PAK5: variants seen among roughly 807,000 people sequenced by gnomAD.
PAK5 encodes p21 (RAC1) activated kinase 5, also known as serine/threonine-protein kinase PAK 5.
Under a neutral mutation model 65.9 loss-of-function variants are expected in PAK5, and 16 were observed. The observed-to-expected ratio is 0.24, with a 90% CI of 0.16 to 0.37. The LOEUF is 0.37. Ranked by LOEUF, PAK5 falls within the 10% of genes least tolerant of loss-of-function variation. The pLI, the probability that PAK5 is intolerant of heterozygous loss-of-function variation, is 1.00. For missense variants in PAK5, 785 were observed against 903.9 expected (o/e 0.87, Z 1.69); for synonymous variants, 371 against 354.9 (o/e 1.05, Z -0.51).
At chr20:9,813,637 G>A (rs574995291) in intron 1 of PAK5, among the ~76,000 whole-genome samples, 1 of 151,978 alleles carries the variant, frequency 6.6e-6, no homozygotes, top group African/African-American at 2.4e-5. Flanking sequence ...TTCATACAGT[G>A]GAATGCTATA....
chr20:9,682,680 T>C (rs1042114993), intron 2 of PAK5, among the ~76,000 whole-genome samples: 1 of 152,236 alleles, frequency 6.6e-6, no homozygotes, highest in African/African-American at 2.4e-5. Context: ...CCCCACAATC[T>C]GTGCCACTTT....
At chr20:9,792,107 C>G (rs6056879) in intron 1 of PAK5, among the ~76,000 whole-genome samples, 21,342 of 152,172 alleles carry the variant, frequency 0.14, 1,816 homozygotes, top group South Asian at 0.25. Context: ...TTTGATCCCC[C>G]CTGCATGCAG....
At chr20:9,701,142 C>T (rs138704524) in intron 2 of PAK5, among the ~76,000 whole-genome samples, 33 of 152,208 alleles carry the variant, frequency 2.2e-4, no homozygotes, top group Admixed American at 1.6e-3. Flanking sequence ...CGCCCTTTGA[C>T]GAGTCAAGCA....
intron 6 of PAK5, among the ~76,000 whole-genome samples, chr20:9,560,558 C>T (rs1443288537): frequency 1.3e-5 from 2 of 152,078 alleles, no homozygotes; most frequent in Non-Finnish European, 2.9e-5. Flanking sequence ...GACAGGGTCT[C>T]GCTAAGTTGC....
intron 3 of PAK5, among the ~76,000 whole-genome samples, chr20:9,630,216 C>T (rs557834071): frequency 6.6e-6 from 1 of 152,222 alleles, no homozygotes; most frequent in Non-Finnish European, 1.5e-5. Context: ...GGCACAGATG[C>T]TAAAATGAAG....
At chr20:9,676,358 A>C (rs1198553988) in intron 2 of PAK5, among the ~76,000 whole-genome samples, 6 of 152,202 alleles carry the variant, frequency 3.9e-5, no homozygotes, top group Admixed American at 2.0e-4. Context: ...CTATATATTT[A>C]ATGTGAATAC....
chr20:9,741,116 T>C (rs1254623391), intron 1 of PAK5, among the ~76,000 whole-genome samples: 2 of 152,218 alleles, frequency 1.3e-5, no homozygotes, highest in Non-Finnish European at 2.9e-5. Flanking sequence ...ACAATTATAA[T>C]TTACAAGATT....
At chr20:9,690,807 T>G (rs1481570594) in intron 2 of PAK5, among the ~76,000 whole-genome samples, 2 of 143,078 alleles carry the variant, frequency 1.4e-5, no homozygotes, top group Non-Finnish European at 3.0e-5. Context: ...AAGGCTGGAG[T>G]GCAATGGCGC....
chr20:9,597,329 A>T (rs890152898), intron 3 of PAK5, among the ~76,000 whole-genome samples: 1 of 152,242 alleles, frequency 6.6e-6, no homozygotes, highest in Non-Finnish European at 1.5e-5. Flanking sequence ...ATTGAAAAAC[A>T]ATCTGATAGG....
At chr20:9,563,396 A>G (rs1304086461) in intron 5 of PAK5, among the ~76,000 whole-genome samples, 1 of 152,208 alleles carries the variant, frequency 6.6e-6, no homozygotes, top group Non-Finnish European at 1.5e-5. Flanking sequence ...TCTGCTGGTT[A>G]TCCTAGCAAA....
At chr20:9,825,728 A>G (rs912533095) in intron 1 of PAK5, among the ~76,000 whole-genome samples, 1 of 152,234 alleles carries the variant, frequency 6.6e-6, no homozygotes, top group Admixed American at 6.5e-5. Flanking sequence ...TCATACCAGC[A>G]TAAAGTCTTA....
At chr20:9,689,137 T>C (rs903422468) in intron 2 of PAK5, among the ~76,000 whole-genome samples, 1 of 152,188 alleles carries the variant, frequency 6.6e-6, no homozygotes, top group Non-Finnish European at 1.5e-5. Context: ...TAGTTGAACA[T>C]TTCTCTCCTC....
At chr20:9,556,945 A>C (rs1339424826) in intron 7 of PAK5, among the ~76,000 whole-genome samples, 1 of 152,154 alleles carries the variant, frequency 6.6e-6, no homozygotes, top group Non-Finnish European at 1.5e-5. Flanking sequence ...TTATTCTCTC[A>C]GCTCTCATCC....
At chr20:9,688,396 C>A (rs1052197379) in intron 2 of PAK5, among the ~76,000 whole-genome samples, 30 of 151,914 alleles carry the variant, frequency 2.0e-4, no homozygotes, top group African/African-American at 6.8e-4. Context: ...ACCTGAAATA[C>A]CCCAAGGCCT....
Position 9,796,559 on chromosome 20 carries a change from T to C in PAK5, c.-162+42203A>G, listed in dbSNP as rs942773834. On this transcript the variant is annotated intron_variant, in intron 1 of 9. Coordinates refer to ENST00000353224, the MANE Select transcript of PAK5 (RefSeq NM_177990.4). Reference sequence around the variant, plus strand: ...AAAAGTTTAAATTTTATTCCAAATGTAGTAGGAAATTACTAAGTGAAGGTG... The same window carrying C: ...AAAAGTTTAAATTTTATTCCAAATGCAGTAGGAAATTACTAAGTGAAGGTG... Among the ~76,000 whole-genome samples the C allele has an allele frequency of 2.0e-5, 3 of 152,104 alleles. No homozygotes were observed. In the South Asian group the frequency reaches 6.2e-4, roughly 31 times the overall value.
intron 3 of PAK5, among the ~76,000 whole-genome samples, chr20:9,607,103 A>C (rs1363276041): frequency 6.6e-6 from 1 of 152,232 alleles, no homozygotes; most frequent in Non-Finnish European, 1.5e-5. Context: ...ACAGAGGGGA[A>C]AAGAGTAACG....
intron 2 of PAK5, among the ~76,000 whole-genome samples, chr20:9,709,650 A>G (rs1164125368): frequency 6.6e-6 from 1 of 152,162 alleles, no homozygotes; most frequent in Non-Finnish European, 1.5e-5. Flanking sequence ...GCTTTACAGA[A>G]GGATCTGGGG....
At chr20:9,798,438 A>G (rs2049130942) in intron 1 of PAK5, among the ~76,000 whole-genome samples, 1 of 152,110 alleles carries the variant, frequency 6.6e-6, no homozygotes, top group Admixed American at 6.6e-5. Flanking sequence ...TTCTCCAGGA[A>G]AGAAAAGGCA....
chr20:9,750,798 A>G (rs1364689918), intron 1 of PAK5, among the ~76,000 whole-genome samples: 1 of 152,114 alleles, frequency 6.6e-6, no homozygotes, highest in African/African-American at 2.4e-5. Flanking sequence ...AACCACCATG[A>G]GTACTGATGA....
Sources: gnomAD v4.1 joint callset for allele counts (sites outside exome capture counted in the v4.1 genomes callset) on GRCh38, gnomAD v4.1.1 for gene constraint, MANE v1.5 for transcripts, NCBI Gene and HGNC (gene_info 2026-07-23, HGNC 2026-07-21) for gene names.